PTPRN2: variants seen among roughly 807,000 people sequenced by gnomAD.
The protein encoded by PTPRN2 is protein tyrosine phosphatase receptor type N2.
A neutral mutation model predicts 118.8 loss-of-function variants in PTPRN2; 74 were observed. The ratio of observed to expected loss-of-function variants is 0.62; its 90% CI spans 0.52 to 0.76. PTPRN2 has a LOEUF of 0.76. Ranked by LOEUF, PTPRN2 falls within the 30% of genes least tolerant of loss-of-function variation. The pLI is 0.00. For missense variants in PTPRN2, 1,481 were observed against 1,394.4 expected (o/e 1.06, Z -0.99); for synonymous variants, 641 against 608.0 (o/e 1.05, Z -0.80).
At chr7:157,967,011 C>G (rs1287260575) in intron 11 of PTPRN2, among the ~76,000 whole-genome samples, 2 of 152,218 alleles carry the variant, frequency 1.3e-5, no homozygotes, top group Non-Finnish European at 2.9e-5. Flanking sequence ...TCACCACAAA[C>G]TTAGTGGCTT....
chr7:158,532,184 GGCCCAGCACCTGGGTGGT>G (rs1372390323), intron 1 of PTPRN2, among the ~76,000 whole-genome samples: 2 of 152,242 alleles, frequency 1.3e-5, no homozygotes, highest in Non-Finnish European at 2.9e-5. Context: ...CTTCAGGGTT[GGCCCAGCACCTGGGTGGT>G]GCCCATGCCC....
At chr7:158,016,477 T>A (rs1169166052) in intron 11 of PTPRN2, among the ~76,000 whole-genome samples, 2 of 152,216 alleles carry the variant, frequency 1.3e-5, no homozygotes, top group African/African-American at 4.8e-5. Context: ...GCTGACTTCC[T>A]CTCTGAAGGT....
intron 3 of PTPRN2, among the ~76,000 whole-genome samples, chr7:158,270,318 G>A (rs1019894938): frequency 6.6e-6 from 1 of 152,162 alleles, no homozygotes; most frequent in Admixed American, 6.5e-5. Flanking sequence ...AGCTTTATAG[G>A]TGCAGAGCGG....
chr7:157,722,852 G>C (rs1173783500), intron 12 of PTPRN2, among the ~76,000 whole-genome samples: 4 of 152,122 alleles, frequency 2.6e-5, no homozygotes, highest in Admixed American at 2.6e-4. Context: ...CCACGGGTTC[G>C]ATGTGGGGCC....
At chr7:157,601,734 T>C (rs1317136613) in intron 16 of PTPRN2, among the ~76,000 whole-genome samples, 1 of 152,234 alleles carries the variant, frequency 6.6e-6, no homozygotes, top group Non-Finnish European at 1.5e-5. Context: ...CATCTGCAAG[T>C]TGGAACCCAT....
At chr7:158,334,569 C>A (rs866349628) in intron 2 of PTPRN2, among the ~76,000 whole-genome samples, 12 of 106,144 alleles carry the variant, frequency 1.1e-4, no homozygotes, top group Admixed American at 7.4e-4. Context: ...TAAGAGCTCT[C>A]GCCCACAGAG....
intron 11 of PTPRN2, among the ~76,000 whole-genome samples, chr7:158,064,451 TGGGGGAGCC>T (rs925405628): frequency 6.6e-6 from 1 of 152,052 alleles, no homozygotes; most frequent in Non-Finnish European, 1.5e-5. Context: ...GTCACAGCCA[TGGGGGAGCC>T]GGGGGAGCCT....
chr7:157,738,648 AGTC>A (rs1800446777), intron 12 of PTPRN2, among the ~76,000 whole-genome samples: 1 of 152,228 alleles, frequency 6.6e-6, no homozygotes, highest in Non-Finnish European at 1.5e-5. Flanking sequence ...TAGGCATTGA[AGTC>A]GTCATCACGG....
At chr7:157,979,121 G>T (rs549414693) in intron 11 of PTPRN2, among the ~76,000 whole-genome samples, 2 of 152,154 alleles carry the variant, frequency 1.3e-5, no homozygotes, top group East Asian at 3.9e-4. Flanking sequence ...CCTGGCAGGA[G>T]GGATTGTTTC....
rs1244232532 is a variant in PTPRN2 at position 158,517,989 on chromosome 7, G to A, written c.113-28204C>T. 6.6e-6 allele frequency among the ~76,000 whole-genome samples: 1 copy of A among 152,172 alleles called. No individual in the cohort carries two copies. The highest frequency in any genetic ancestry group is 1.9e-4 in the East Asian group (1 of 5,200). ...GGGCTCCCTAATTCCTGACCGGGCG[G>A]GGCACCCCTGCAACATTCTCCCAGC... On this transcript the variant is annotated intron_variant, in intron 1 of 22. Coordinates refer to ENST00000389418, the MANE Select transcript of PTPRN2 (RefSeq NM_002847.5). This position sits in a 1 kb window ranked among gnomAD's most constrained non-coding sequence, Gnocchi z 5.3.
intron 2 of PTPRN2, among the ~76,000 whole-genome samples, chr7:158,370,361 G>A (rs571675716): frequency 8.4e-4 from 128 of 152,134 alleles, no homozygotes; most frequent in Non-Finnish European, 1.5e-3. Context: ...GCTTGAACCT[G>A]GGAGGCAGAG....
chr7:158,068,573 C>T (rs1188912909), intron 11 of PTPRN2, among the ~76,000 whole-genome samples: 1 of 152,216 alleles, frequency 6.6e-6, no homozygotes, highest in Non-Finnish European at 1.5e-5. Context: ...ACCACTGGAA[C>T]CGGGTGCCTA....
At chr7:158,532,645 CG>C (rs941062116) in intron 1 of PTPRN2, 7 of 485,544 alleles carry the variant, frequency 1.4e-5, no homozygotes, top group African/African-American at 6.0e-5. Context: ...TTCAAAAACC[CG>C]GGACATGATG....
intron 2 of PTPRN2, among the ~76,000 whole-genome samples, chr7:158,327,502 C>A (rs1803739920): frequency 6.6e-6 from 1 of 151,984 alleles, no homozygotes; most frequent in African/African-American, 2.4e-5. Flanking sequence ...TGCACAAGTT[C>A]TCACACACAT....
intron 3 of PTPRN2, among the ~76,000 whole-genome samples, chr7:158,279,635 C>T (rs1799275365): frequency 6.6e-6 from 1 of 152,188 alleles, no homozygotes; most frequent in Non-Finnish European, 1.5e-5. Context: ...GAGTGCCAGG[C>T]CCGCTAAGCC....
intron 11 of PTPRN2, among the ~76,000 whole-genome samples, chr7:157,960,290 C>A (rs1801442200): frequency 6.6e-6 from 1 of 152,118 alleles, no homozygotes; most frequent in Non-Finnish European, 1.5e-5. Context: ...GTACTTAATG[C>A]CACTGAATTG....
intron 3 of PTPRN2, among the ~76,000 whole-genome samples, chr7:158,257,394 C>T (rs1797096154): frequency 6.6e-6 from 1 of 152,192 alleles, no homozygotes; most frequent in Admixed American, 6.5e-5. Context: ...CTCAGCGTTA[C>T]AATGAGATGG....
At chr7:157,970,643 C>CCT (rs1180562432) in intron 11 of PTPRN2, among the ~76,000 whole-genome samples, 1 of 150,550 alleles carries the variant, frequency 6.6e-6, no homozygotes, top group Non-Finnish European at 1.5e-5. Context: ...CGGACCCCCC[C>CCT]CCCCACAGGT....
chr7:157,574,506 G>A (rs1799917421), intron 19 of PTPRN2: 1 of 401,432 alleles, frequency 2.5e-6, no homozygotes, highest in African/African-American at 2.2e-5. Flanking sequence ...AAGGGAGAGA[G>A]TAATAATGAG....
Sources: allele counts gnomAD v4.1 joint callset (sites outside exome capture counted in the v4.1 genomes callset), GRCh38; gene constraint gnomAD v4.1.1; non-coding constraint Gnocchi (gnomAD v3.1); transcripts MANE v1.5; gene names NCBI Gene and HGNC (gene_info 2026-07-23, HGNC 2026-07-21).